The following CCDC85A variants were observed in gnomAD, a reference collection of about 807,000 sequenced individuals.
CCDC85A encodes the protein coiled-coil domain containing 85A, also known as coiled-coil domain-containing protein 85A.
A neutral mutation model predicts 50.2 loss-of-function variants in CCDC85A; 38 were observed. That is an observed-to-expected ratio of 0.76 (90% CI 0.58 to 0.99). The LOEUF (loss-of-function observed/expected upper bound fraction) is 0.99, where lower values mean the gene tolerates loss of function less well. Among genes scored for constraint, CCDC85A ranks in the 50% least tolerant of loss-of-function variants. CCDC85A has a pLI of 0.00. For missense variants in CCDC85A, 820 were observed against 742.0 expected (o/e 1.11, Z -1.22); for synonymous variants, 366 against 301.4 (o/e 1.21, Z -2.22).
intron 2 of CCDC85A, among the ~76,000 whole-genome samples, chr2:56,311,753 G>C (rs561738922): frequency 6.6e-6 from 1 of 152,178 alleles, no homozygotes; most frequent in East Asian, 1.9e-4. Context: ...CCCTTTTGCA[G>C]ATGTAAAACC....
chr2:56,209,897 C>G (rs1192596550), intron 2 of CCDC85A, among the ~76,000 whole-genome samples: 1 of 152,070 alleles, frequency 6.6e-6, no homozygotes, highest in Non-Finnish European at 1.5e-5. Context: ...ATATGTATGA[C>G]TTCCAAACTT....
chr2:56,249,703 C>G lies in CCDC85A; in HGVS notation c.1240+56263C>G, dbSNP rs1429897901. On this transcript the variant is annotated intron_variant, in intron 2 of 5. Transcript: ENST00000407595. ...TCTTTGCCTTCTAAGTAAAAGCCAGCAAATTTGCAGAGGGGCTGGTCTCCC... is the reference window on the plus strand; with the variant it reads ...TCTTTGCCTTCTAAGTAAAAGCCAGGAAATTTGCAGAGGGGCTGGTCTCCC... 3.3e-5 allele frequency among the ~76,000 whole-genome samples: 5 copies of G among 152,308 alleles called. No homozygotes were observed. The East Asian group carries it at 9.7e-4, about 29-fold the overall frequency.
At chr2:56,245,406 A>G (rs1272596522) in intron 2 of CCDC85A, among the ~76,000 whole-genome samples, 1 of 152,212 alleles carries the variant, frequency 6.6e-6, no homozygotes, top group Non-Finnish European at 1.5e-5. Flanking sequence ...CTCATGCCAC[A>G]TGGCCTCTGC....
In CCDC85A at chr2:56,380,485, A is replaced by G. The variant is rs550509549; in HGVS notation, c.1573-3781A>G. On this transcript the variant is annotated intron_variant, in intron 5 of 5. Transcript: ENST00000407595. ...TGAAGAGGGAAAATTGCTTTAGCCC[A>G]GGAGTTTGAGGCTGCAGTGAGCTAT... Among the ~76,000 whole-genome samples the G allele has an allele frequency of 6.7e-4, 101 of 151,564 alleles. 1 individual carries two copies. Among genetic ancestry groups the G allele is most frequent in the African/African-American group, 2.3e-3 (95 of 41,382 alleles).
intron 3 of CCDC85A, among the ~76,000 whole-genome samples, chr2:56,364,049 G>C (rs1675668205): frequency 6.6e-6 from 1 of 152,172 alleles, no homozygotes; most frequent in Non-Finnish European, 1.5e-5. Context: ...CTCACTGGGA[G>C]TTCTATAGTT....
At chr2:56,364,684 T>C (rs888241459) in intron 3 of CCDC85A, among the ~76,000 whole-genome samples, 10 of 152,200 alleles carry the variant, frequency 6.6e-5, no homozygotes, top group African/African-American at 2.2e-4. Context: ...CATGACCATT[T>C]AGCGAGTACC....
At chr2:56,295,130 G>A (rs1671887895) in intron 2 of CCDC85A, among the ~76,000 whole-genome samples, 1 of 144,992 alleles carries the variant, frequency 6.9e-6, no homozygotes, top group Non-Finnish European at 1.5e-5. Flanking sequence ...CAGTTGTTTT[G>A]GATTTTTTTT....
intron 2 of CCDC85A, among the ~76,000 whole-genome samples, chr2:56,317,180 CA>C (rs1353161727): frequency 2.0e-5 from 3 of 152,024 alleles, no homozygotes; most frequent in African/African-American, 7.2e-5. Context: ...TTGAAGGCAC[CA>C]ATTATTTCAG....
At chr2:56,190,816 C>G (rs1676261222) in intron 1 of CCDC85A, among the ~76,000 whole-genome samples, 1 of 152,174 alleles carries the variant, frequency 6.6e-6, no homozygotes, top group South Asian at 2.1e-4. Flanking sequence ...CCACTTTATC[C>G]TGACCCTCCC....
At chr2:56,248,363 C>T (rs965157240) in intron 2 of CCDC85A, among the ~76,000 whole-genome samples, 9 of 152,104 alleles carry the variant, frequency 5.9e-5, no homozygotes, top group East Asian at 1.9e-4. Flanking sequence ...CCAAGTGGAG[C>T]GGTGTACTCA....
At chr2:56,235,363 A>G (rs1311582790) in intron 2 of CCDC85A, 1 of 152,178 alleles carries the variant, frequency 6.6e-6, no homozygotes, top group Admixed American at 6.6e-5. Flanking sequence ...CTTCCTGTAG[A>G]ACCAACCAGA....
At position 56,192,786 on chromosome 2, in the gene CCDC85A, C is replaced by G. The variant is rs1285110339; in HGVS notation, c.586C>G (p.Leu196Val). The change falls in exon 2 of 6, where the codon CTC (leucine) becomes GTC (valine). Residue 196 changes from leucine (L) to valine (V), a missense_variant. Leu to Val is a conservative substitution (Grantham distance 32, BLOSUM62 1). Transcript: ENST00000407595. This position sits in a 1 kb window ranked among gnomAD's most constrained non-coding sequence, Gnocchi z 4.7. ...CGACAGCCAGGCCAGCCTGTGCCAA[C>G]TCACAGCCTCCACCGCACCCTACGT... is the stretch of plus-strand genomic sequence containing the variant. ...SIDSQASLCQ[L>V]TASTAPYVRD... 19 of 1,613,194 alleles carry G rather than the reference C, an allele frequency of 1.2e-5. No homozygotes were observed. The highest frequency in any genetic ancestry group is 1.6e-5 in the Non-Finnish European group (19 of 1,179,508).
chr2:56,192,438 A>C lies in CCDC85A; in HGVS notation c.277-39A>C, dbSNP rs1267630029. On this transcript the variant is annotated intron_variant, in intron 1 of 5. Coordinates refer to ENST00000407595, the MANE Select transcript of CCDC85A (RefSeq NM_001080433.2). The surrounding 1 kb of genome is among the most constrained non-coding windows in gnomAD (Gnocchi z 4.7). ...AAGTCTGAGCCTGCTGACACCTCAG[A>C]TGTGTACTTCCCTTGAATGGTTGTG... 1.9e-6 allele frequency: 3 copies of C among 1,567,514 alleles called. No individual in the cohort carries two copies. The highest frequency in any genetic ancestry group is 2.6e-6 in the Non-Finnish European group (3 of 1,156,608).
At chr2:56,186,635 A>G (rs1259635122) in intron 1 of CCDC85A, among the ~76,000 whole-genome samples, 1 of 152,224 alleles carries the variant, frequency 6.6e-6, no homozygotes, top group East Asian at 1.9e-4. Context: ...GAGTTGGAAG[A>G]GTTATTATTA....
chr2:56,250,451 A>G (rs1669703926), intron 2 of CCDC85A, among the ~76,000 whole-genome samples: 1 of 152,200 alleles, frequency 6.6e-6, no homozygotes. Flanking sequence ...CTAGCCTATC[A>G]AGGATAAGAT....
At chr2:56,306,446 A>G (rs1672451690) in intron 2 of CCDC85A, among the ~76,000 whole-genome samples, 1 of 152,184 alleles carries the variant, frequency 6.6e-6, no homozygotes, top group African/African-American at 2.4e-5. Flanking sequence ...TTTAAACAAC[A>G]GTTATTTTTG....
At chr2:56,365,555 CAA>C (rs2104378629) in intron 3 of CCDC85A, among the ~76,000 whole-genome samples, 1 of 152,126 alleles carries the variant, frequency 6.6e-6, no homozygotes, top group South Asian at 2.1e-4. Flanking sequence ...TTCTGGGACC[CAA>C]AGAAGGAAAA....
chr2:56,353,299 A>T (rs1675050144), intron 3 of CCDC85A, among the ~76,000 whole-genome samples: 2 of 152,204 alleles, frequency 1.3e-5, no homozygotes, highest in African/African-American at 4.8e-5. Context: ...CAGTCCCCTT[A>T]ATGTTTCTTT....
chr2:56,311,688 C>T (rs1037010311), intron 2 of CCDC85A, among the ~76,000 whole-genome samples: 4 of 152,030 alleles, frequency 2.6e-5, no homozygotes, highest in African/African-American at 9.7e-5. Flanking sequence ...TAAGAGCTTT[C>T]CTATGAGTTT....
Sources: allele counts gnomAD v4.1 joint callset (sites outside exome capture counted in the v4.1 genomes callset), GRCh38; gene constraint gnomAD v4.1.1; non-coding constraint Gnocchi (gnomAD v3.1); transcripts MANE v1.5; gene names NCBI Gene and HGNC (gene_info 2026-07-23, HGNC 2026-07-21).